PCDH9: variants seen among roughly 807,000 people sequenced by gnomAD.
The protein encoded by PCDH9 is protocadherin-9.
In PCDH9, 24 loss-of-function variants were observed where a neutral mutation model predicts 70.6. That is an observed-to-expected ratio of 0.34 (90% CI 0.25 to 0.48). The LOEUF is 0.48. Among genes scored for constraint, PCDH9 ranks in the 20% least tolerant of loss-of-function variants. The pLI, the probability that PCDH9 is intolerant of heterozygous loss-of-function variation, is 0.99. For synonymous variants in PCDH9, 562 were observed against 558.5 expected (o/e 1.01, Z -0.09); for missense variants, 1,281 against 1,503.6 (o/e 0.85, Z 2.45).
chr13:66,906,717 G>T (rs1157379040), intron 2 of PCDH9, among the ~76,000 whole-genome samples: 1 of 151,754 alleles, frequency 6.6e-6, no homozygotes, highest in Non-Finnish European at 1.5e-5. Flanking sequence ...AATTTCTTCT[G>T]CAAATTAATA....
At chr13:66,859,971 C>T (rs919667297) in intron 3 of PCDH9, among the ~76,000 whole-genome samples, 1 of 152,060 alleles carries the variant, frequency 6.6e-6, no homozygotes, top group African/African-American at 2.4e-5. Context: ...TTATGGCCTG[C>T]TGTATTTTTA....
intron 3 of PCDH9, among the ~76,000 whole-genome samples, chr13:66,762,706 A>C (rs142709461): frequency 5.3e-5 from 8 of 151,958 alleles, no homozygotes; most frequent in Non-Finnish European, 7.4e-5. Context: ...GGAAGTTCCT[A>C]TTCTACCATC....
intron 2 of PCDH9, chr13:67,204,536 A>C (rs1352514684): frequency 6.6e-6 from 1 of 152,164 alleles, no homozygotes; most frequent in Non-Finnish European, 1.5e-5. Flanking sequence ...GGTAGAAAAC[A>C]AGTGCATGCT....
At chr13:66,906,883 G>A (rs879787694) in intron 2 of PCDH9, among the ~76,000 whole-genome samples, 4 of 152,066 alleles carry the variant, frequency 2.6e-5, no homozygotes, top group African/African-American at 7.2e-5. Flanking sequence ...TTCCGGGAGA[G>A]TTGCAGCATT....
chr13:66,595,528 G>A (rs962067436), intron 4 of PCDH9, among the ~76,000 whole-genome samples: 12 of 151,648 alleles, frequency 7.9e-5, no homozygotes, highest in Admixed American at 7.3e-4. Context: ...GGCTTATCAT[G>A]AGCATCACAT....
At chr13:66,628,279 A>T (rs987356894) in intron 4 of PCDH9, among the ~76,000 whole-genome samples, 1 of 152,170 alleles carries the variant, frequency 6.6e-6, no homozygotes, top group African/African-American at 2.4e-5. Flanking sequence ...TCAGACTCTT[A>T]GACTGTGTTA....
chr13:66,710,275 G>A (rs907825702), intron 3 of PCDH9, among the ~76,000 whole-genome samples: 1 of 151,934 alleles, frequency 6.6e-6, no homozygotes, highest in Non-Finnish European at 1.5e-5. Context: ...TAACTATGGC[G>A]ATTCCACTGA....
chr13:66,937,478 A>G (rs1344265538), intron 2 of PCDH9, among the ~76,000 whole-genome samples: 1 of 152,152 alleles, frequency 6.6e-6, no homozygotes, highest in Non-Finnish European at 1.5e-5. Context: ...TGTCTCCACA[A>G]TTTGTTTCTA....
chr13:67,155,695 CACTAAGAATTGT>C lies in PCDH9; in HGVS notation c.3036+69698_3036+69709del, dbSNP rs530546900. Among the ~76,000 whole-genome samples, 3 of 152,090 alleles carry C rather than the reference CACTAAGAATTGT, an allele frequency of 2.0e-5. No homozygotes were observed. In the South Asian group the frequency reaches 6.2e-4, roughly 32 times the overall value. On this transcript the variant is annotated intron_variant, in intron 2 of 4. Coordinates refer to ENST00000377865, the MANE Select transcript of PCDH9 (RefSeq NM_203487.3). Reference sequence around the variant, plus strand: ...GATACCCTAAAGGAAATATAGAGAACACTAAGAATTGTACAAAGAGGGGTAAAACATTTGAGT... The same window carrying C: ...GATACCCTAAAGGAAATATAGAGAACACAAAGAGGGGTAAAACATTTGAGT...
intron 3 of PCDH9, among the ~76,000 whole-genome samples, chr13:66,752,748 A>G (rs570160895): frequency 1.3e-3 from 204 of 152,336 alleles, no homozygotes; most frequent in Non-Finnish European, 1.9e-3. Context: ...CTGATTTGAT[A>G]CAGTAGGAGC....
At chr13:66,871,277 T>C (rs2081677968) in intron 3 of PCDH9, among the ~76,000 whole-genome samples, 2 of 151,590 alleles carry the variant, frequency 1.3e-5, no homozygotes, top group South Asian at 2.1e-4. Context: ...TTAGGAGATA[T>C]ACCTAATGCT....
intron 4 of PCDH9, among the ~76,000 whole-genome samples, chr13:66,508,880 G>A (rs535897144): frequency 1.3e-5 from 2 of 152,224 alleles, no homozygotes; most frequent in South Asian, 2.1e-4. Flanking sequence ...ATTGTCATTA[G>A]GAATGAGACA....
intron 3 of PCDH9, among the ~76,000 whole-genome samples, chr13:66,684,738 A>G (rs770074827): frequency 3.3e-5 from 5 of 152,140 alleles, no homozygotes; most frequent in Admixed American, 6.5e-5. Flanking sequence ...GCAGCATAAA[A>G]ATGGACTAAT....
intron 3 of PCDH9, among the ~76,000 whole-genome samples, chr13:66,794,091 G>A (rs2080201997): frequency 6.6e-6 from 1 of 152,028 alleles, no homozygotes; most frequent in South Asian, 2.1e-4. Context: ...TTCTATGAAG[G>A]AATAATTCTC....
chr13:66,449,415 A>G (rs1441446011), intron 4 of PCDH9, among the ~76,000 whole-genome samples: 2 of 152,076 alleles, frequency 1.3e-5, no homozygotes, highest in African/African-American at 4.8e-5. Context: ...GTATTTAGTT[A>G]AGAATATGGA....
rs1272589939 is a variant in PCDH9, at chr13:66,849,517, T to TATATAG, written c.3138+53986_3138+53987insCTATAT. ...ATATATATATATATATATATATATA[T>TATATAG]AGAGAGAGAGAGAGAGAGAGAGAGA... On this transcript the variant is annotated intron_variant, in intron 3 of 4. Coordinates refer to ENST00000377865, the MANE Select transcript of PCDH9 (RefSeq NM_203487.3). Among the ~76,000 whole-genome samples, 333 of 63,548 alleles carry TATATAG rather than the reference T, an allele frequency of 5.2e-3. 2 individuals are homozygous for TATATAG. Among genetic ancestry groups the TATATAG allele is most frequent in the East Asian group, 0.016 (30 of 1,840 alleles). The allele number at this position is 63,548 out of a possible 152,430, so 41.7% of individuals were successfully genotyped here.
chr13:66,980,451 A>G (rs1258304683), intron 2 of PCDH9, among the ~76,000 whole-genome samples: 1 of 152,132 alleles, frequency 6.6e-6, no homozygotes, highest in Non-Finnish European at 1.5e-5. Flanking sequence ...TATCTTGGCC[A>G]ATTTCTACAA....
intron 4 of PCDH9, among the ~76,000 whole-genome samples, chr13:66,454,780 T>C (rs1427501668): frequency 2.0e-5 from 3 of 152,202 alleles, no homozygotes; most frequent in Non-Finnish European, 4.4e-5. Flanking sequence ...ATGAGCTTTT[T>C]AGTTGATCTT....
Position 66,716,320 on chromosome 13 carries a change from G to A in PCDH9, c.3139-84909C>T, listed in dbSNP as rs1196290402. Among the ~76,000 whole-genome samples the A allele has an allele frequency of 2.0e-5, 3 of 152,178 alleles. 1 individual carries two copies. Among genetic ancestry groups the A allele is most frequent in the Non-Finnish European group, 4.4e-5 (3 of 68,034 alleles). ...CTATACATTACATTCAGAGAGATAA[G>A]CAATGCTTAGGTTTAGACAAATTAA... is the stretch of plus-strand genomic sequence containing the variant. On this transcript the variant is annotated intron_variant, in intron 3 of 4. Transcript: ENST00000377865.
Sources: allele counts gnomAD v4.1 joint callset (sites outside exome capture counted in the v4.1 genomes callset), GRCh38; gene constraint gnomAD v4.1.1; transcripts MANE v1.5; gene names NCBI Gene and HGNC (gene_info 2026-07-23, HGNC 2026-07-21).